APOB: variants seen among roughly 807,000 people sequenced by gnomAD.
APOB encodes the protein apolipoprotein B-100.
Under a neutral mutation model 314.1 loss-of-function variants are expected in APOB, and 153 were observed. That is an observed-to-expected ratio of 0.49 (90% CI 0.43 to 0.56). The LOEUF is 0.56. Ranked by LOEUF, APOB falls within the 20% of genes least tolerant of loss-of-function variation. The probability of loss-of-function intolerance (pLI) is 0.00; values close to 1 mark genes in which losing one functional copy is unlikely to be tolerated. For missense variants in APOB, 5,430 were observed against 5,350.7 expected (o/e 1.01, Z -0.46); for synonymous variants, 2,087 against 2,036.4 (o/e 1.02, Z -0.67).
rs149734450 is a variant in APOB at position 21,008,501 on chromosome 2, G to T, written c.8367C>A (p.Ile2789=). 5 of 1,613,902 alleles carry T rather than the reference G, an allele frequency of 3.1e-6. No individual in the cohort carries two copies. In the African/African-American group the frequency reaches 6.7e-5, roughly 22 times the overall value. The change falls in exon 26 of 29, where the codon ATC becomes ATA. Residue 2789 remains isoleucine, a synonymous_variant. Coordinates refer to ENST00000233242, the MANE Select transcript of APOB (RefSeq NM_000384.3). ...CTCCTTTGGCAGTGATGGAAGCTGCGATACCTGCTTCGTTTGCTGAGGTGG... is the reference window on the plus strand; with the variant it reads ...CTCCTTTGGCAGTGATGGAAGCTGCTATACCTGCTTCGTTTGCTGAGGTGG... ...NGTTSANEAG[I]AASITAKGES... is the part of the protein sequence containing the mutation.
chr2:21,007,869 C>T lies in APOB; in HGVS notation c.8999G>A (p.Ser3000Asn), dbSNP rs1348049077. ...SQVDSQHVGH[S>N]VLTAKGMALF... ...TGCCATGCCTTTAGCAGTTAGAACA[C>T]TGTGGCCCACATGCTGGGAATCGAC... The change falls in exon 26 of 29, where the codon AGT (serine) becomes AAT (asparagine). Residue 3000 changes from serine (S) to asparagine (N), a missense_variant. Around this residue, in one of 3 missense-constraint regions of APOB, gnomAD observed 3,281 missense variants for 3,171.0 expected, o/e 1.03. Coordinates refer to ENST00000233242, the MANE Select transcript of APOB (RefSeq NM_000384.3). The T allele has an allele frequency of 6.2e-7, 1 of 1,613,942 alleles. No homozygotes were observed. Among genetic ancestry groups the T allele is most frequent in the Admixed American group, 1.7e-5 (1 of 59,982 alleles).
In APOB at chr2:21,008,056, C is replaced by T. The variant is rs1254627527; in HGVS notation, c.8812G>A (p.Asp2938Asn). The T allele has an allele frequency of 6.2e-7, 1 of 1,613,976 alleles. No homozygotes were observed. The highest frequency in any genetic ancestry group is 2.2e-5 in the East Asian group (1 of 44,898). Residue 2938 changes from aspartate (D) to asparagine (N), a missense_variant, in exon 26 of 29, where the codon GAT becomes AAT. Asp to Asn is a conservative substitution (Grantham distance 23). Coordinates refer to ENST00000233242, the MANE Select transcript of APOB (RefSeq NM_000384.3). ...ATTTGTGATTCATGTGTTCCCTCAT[C>T]TGAGAATCTGGGGCAGGCCCATTTC... ...SWKWACPRFS[D>N]EGTHESQISF...
At position 21,043,500 on chromosome 2, in the gene APOB, G is replaced by A. The variant is rs777870177; in HGVS notation, c.121+13C>T. 1 of 1,600,208 alleles carries A rather than the reference G, an allele frequency of 6.2e-7. No individual in the cohort carries two copies. The highest frequency in any genetic ancestry group is 1.7e-5 in the Admixed American group (1 of 58,052). On this transcript the variant is annotated intron_variant, in intron 2 of 28. Coordinates refer to ENST00000233242, the MANE Select transcript of APOB (RefSeq NM_000384.3). Reference sequence around the variant, plus strand: ...CTGGGCGCCCTTCCACGCCCCATGCGCAGATGCCTTACTTGGACAGACCAG... The same window carrying A: ...CTGGGCGCCCTTCCACGCCCCATGCACAGATGCCTTACTTGGACAGACCAG...
chr2:21,023,435 T>G, intron 17 of APOB, 90 bp downstream of exon 17: 1 of 1,476,252 alleles, frequency 6.8e-7, no homozygotes. Flanking sequence ...TGTCTTGAAG[T>G]GGAAACACAT....
At position 21,010,721 on chromosome 2, in the gene APOB, G is replaced by T; in HGVS notation, c.6147C>A (p.Pro2049=). 6.2e-7 allele frequency: 1 copy of T among 1,613,904 alleles called. No homozygotes were observed. Among genetic ancestry groups the T allele is most frequent in the Non-Finnish European group, 8.5e-7 (1 of 1,179,890 alleles). ...CAAAAGCAACAATTGTAAATTCTTG[G>T]GGCTTCTCAACGGCATCTCTCATCT... ...ALEMRDAVEK[P]QEFTIVAFVK... The change falls in exon 26 of 29, where the codon CCC becomes CCA. Residue 2049 remains proline, a synonymous_variant. Transcript: ENST00000233242.
intron 9 of APOB, 81 bp downstream of exon 9, chr2:21,033,218 G>T (rs1327283100): frequency 5.8e-5 from 61 of 1,058,630 alleles, no homozygotes; most frequent in Non-Finnish European, 8.1e-5. Context: ...TGGTCCCTGA[G>T]ATTCTCCATT....
At position 21,008,791 on chromosome 2, in the gene APOB, G is replaced by C; in HGVS notation, c.8077C>G (p.Leu2693Val). 1 of 1,614,036 alleles carries C rather than the reference G, an allele frequency of 6.2e-7. No homozygotes were observed. The highest frequency in any genetic ancestry group is 8.5e-7 in the Non-Finnish European group (1 of 1,179,964). ...ATGTCCTCCACCTTCAGATCCCTGA[G>C]ATATATATCTGGAACGGGCCACTGC... ...ELQWPVPDIY[L>V]RDLKVEDIPL... Residue 2693 changes from leucine to valine, a missense_variant, in exon 26 of 29, where the codon CTC becomes GTC. This residue lies in a region of APOB where 3,281 missense variants were observed against 3,171.0 expected (regional missense o/e 1.03). Coordinates refer to ENST00000233242, the MANE Select transcript of APOB (RefSeq NM_000384.3).
At chr2:21,014,340 G>T in intron 24 of APOB, 108 bp downstream of exon 24, 1 of 1,353,392 alleles carries the variant, frequency 7.4e-7, no homozygotes, top group Non-Finnish European at 1.0e-6. Flanking sequence ...TCCTTAAAAT[G>T]CTTAAATTAT....
intron 15 of APOB, among the ~76,000 whole-genome samples, chr2:21,025,418 AAGATTAGAAGATC>A (rs1663705901): frequency 6.6e-6 from 1 of 152,174 alleles, no homozygotes; most frequent in African/African-American, 2.4e-5. Context: ...CAGGATCCTC[AAGATTAGAAGATC>A]CTCTATCCCC....
At chr2:21,037,846 G>A (rs1664043935) in intron 5 of APOB, 112 bp downstream of exon 5, 1 of 1,367,896 alleles carries the variant, frequency 7.3e-7, no homozygotes, top group Admixed American at 1.7e-5. Flanking sequence ...GGCTTCCTAT[G>A]TAACTAGTCA....
intron 17 of APOB, 86 bp from the exon 18 acceptor site, chr2:21,023,128 G>T (rs1663655697): frequency 2.5e-6 from 3 of 1,208,120 alleles, no homozygotes; most frequent in Middle Eastern, 1.9e-4. Flanking sequence ...TCACCTCCGG[G>T]CAAAGATTTC....
intron 6 of APOB, among the ~76,000 whole-genome samples, chr2:21,036,511 A>T (rs1664006681): frequency 6.6e-6 from 1 of 152,166 alleles, no homozygotes; most frequent in Non-Finnish European, 1.5e-5. Flanking sequence ...AGGCAGGCTC[A>T]GGTAATATGG....
At chr2:21,024,741 A>T in intron 16 of APOB, 192 bp downstream of exon 16, 2 of 720,700 alleles carry the variant, frequency 2.8e-6, no homozygotes, top group Non-Finnish European at 5.1e-6. Context: ...TGAATAGCTT[A>T]ATTTCTAAAT....
chr2:21,042,287 T>C lies in APOB; in HGVS notation c.237+74A>G. ...GTACACACCCTCCGGGAAGGTCGCGTGTTGGGCGCCCGCTGGAACAGGGCT... is the reference window on the plus strand; with the variant it reads ...GTACACACCCTCCGGGAAGGTCGCGCGTTGGGCGCCCGCTGGAACAGGGCT... On this transcript the variant is annotated intron_variant, in intron 3 of 28. Transcript: ENST00000233242. 6 of 1,149,374 alleles carry C rather than the reference T, an allele frequency of 5.2e-6. No individual in the cohort carries two copies. The South Asian group carries it at 6.1e-5, about 12-fold the overall frequency. 71.2% of individuals were successfully genotyped at this position (1,149,374 alleles called of 1,614,324 possible).
Position 21,010,326 on chromosome 2 carries a change from A to G in APOB, c.6542T>C (p.Phe2181Ser). 6.4e-7 allele frequency: 1 copy of G among 1,557,180 alleles called. No individual in the cohort carries two copies. The highest frequency in any genetic ancestry group is 8.7e-7 in the Non-Finnish European group (1 of 1,152,474). ...LSQLQTYMIQFDQYIKDSYDL... is the reference protein window; with the variant it reads ...LSQLQTYMIQSDQYIKDSYDL... The stretch of plus-strand genomic sequence containing the variant: ...ATAACTATCTTTAATATACTGATCA[A>G]ATTGTATCATATATGTCTGCAGTTG... The change falls in exon 26 of 29, where the codon TTT becomes TCT. Residue 2181 changes from phenylalanine (F) to serine (S), a missense_variant. Around this residue, in one of 3 missense-constraint regions of APOB, gnomAD observed 3,281 missense variants for 3,171.0 expected, o/e 1.03. Coordinates refer to ENST00000233242, the MANE Select transcript of APOB (RefSeq NM_000384.3).
chr2:21,011,151 G>T lies in APOB; in HGVS notation c.5717C>A (p.Thr1906Asn). The T allele has an allele frequency of 6.2e-7, 1 of 1,614,158 alleles. No individual in the cohort carries two copies. The highest frequency in any genetic ancestry group is 8.5e-7 in the Non-Finnish European group (1 of 1,180,008). Residue 1906 changes from threonine to asparagine, a missense_variant, in exon 26 of 29, where the codon ACC becomes AAC. This residue lies in a region of APOB where 3,281 missense variants were observed against 3,171.0 expected (regional missense o/e 1.03). Transcript: ENST00000233242. ...ATTGCCATTTGTATGTGCATCGATGGTCATGGTAAACGGGGCCATTACAGA... is the reference window on the plus strand; with the variant it reads ...ATTGCCATTTGTATGTGCATCGATGTTCATGGTAAACGGGGCCATTACAGA... ...FRSVMAPFTM[T>N]IDAHTNGNGK...
At position 21,008,225 on chromosome 2, in the gene APOB, A is replaced by T. The variant is rs1365856923; in HGVS notation, c.8643T>A (p.Leu2881=). ...NGVIVKINNQ[L]TLDSNTKYFH... ...AGTATTTAGTGTTGCTATCCAGGGTAAGCTGATTGTTTATCTTGACAATCA... is the reference window on the plus strand; with the variant it reads ...AGTATTTAGTGTTGCTATCCAGGGTTAGCTGATTGTTTATCTTGACAATCA... The change falls in exon 26 of 29, where the codon CTT becomes CTA. Residue 2881 remains leucine, a synonymous_variant. Transcript: ENST00000233242. The T allele has an allele frequency of 6.2e-7, 1 of 1,613,972 alleles. No individual in the cohort carries two copies. Among genetic ancestry groups the T allele is most frequent in the Non-Finnish European group, 8.5e-7 (1 of 1,179,968 alleles).
intron 18 of APOB, 140 bp downstream of exon 18, chr2:21,022,691 G>C (rs192396372): frequency 1.3e-6 from 1 of 748,476 alleles, no homozygotes; most frequent in Non-Finnish European, 2.3e-6. Context: ...AGGTAACCCG[G>C]AATCTTTCCT....
In APOB at chr2:21,002,348, C is replaced by A. The variant is rs1663006064; in HGVS notation, c.13074G>T (p.Lys4358Asn). 2 of 1,611,306 alleles carry A rather than the reference C, an allele frequency of 1.2e-6. No individual in the cohort carries two copies. The highest frequency in any genetic ancestry group is 1.1e-5 in the South Asian group (1 of 90,362). The change falls in exon 29 of 29, where the codon AAG becomes AAT. Residue 4358 changes from lysine (K) to asparagine (N), a missense_variant. This residue lies in a region of APOB where 3,281 missense variants were observed against 3,171.0 expected (regional missense o/e 1.03). Coordinates refer to ENST00000233242, the MANE Select transcript of APOB (RefSeq NM_000384.3). ...LKENLCLNLHKFNEFIQNELQ... is the reference protein window; with the variant it reads ...LKENLCLNLHNFNEFIQNELQ... ...GCTCGTTTTGAATAAATTCATTGAA[C>A]TTATGAAGATTAAGGCATAGGTTTT...
Sources: gnomAD v4.1 joint callset for allele counts (sites outside exome capture counted in the v4.1 genomes callset) on GRCh38, gnomAD v4.1.1 for gene constraint, gnomAD v4.1.1 regional missense constraint, MANE v1.5 for transcripts, NCBI Gene and HGNC (gene_info 2026-07-23, HGNC 2026-07-21) for gene names.